Variants in CYTIP observed in about 807,000 individuals in gnomAD.
The protein encoded by CYTIP is cytohesin 1 interacting protein, also known as cytohesin-interacting protein.
CYTIP carries 26 observed loss-of-function variants against 43.8 expected under a neutral mutation model. That is an observed-to-expected ratio of 0.59 (90% CI 0.44 to 0.82). The LOEUF (loss-of-function observed/expected upper bound fraction) is 0.82. Among genes scored for constraint, CYTIP ranks in the 40% least tolerant of loss-of-function variants. The pLI is 0.00. For missense variants in CYTIP, 426 were observed against 443.1 expected, an observed-to-expected ratio of 0.96 and a Z score of 0.35; for synonymous variants, 162 against 162.9, an observed-to-expected ratio of 0.99 and a Z score of 0.04.
intron 1 of CYTIP, among the ~76,000 whole-genome samples, chr2:157,435,762 C>T (rs1029671463): frequency 7.2e-5 from 11 of 151,878 alleles, no homozygotes; most frequent in Non-Finnish European, 1.0e-4. Flanking sequence ...TATAAATGAA[C>T]ACATAAAATA....
rs199714967 is a variant in CYTIP at position 157,415,930 on chromosome 2, C to T, written c.827G>A (p.Arg276Gln). The change falls in exon 8 of 8, where the codon CGG becomes CAG. Residue 276 changes from arginine to glutamine, a missense_variant. By Grantham distance (43) the Arg-to-Gln change is conservative. Coordinates refer to ENST00000264192, the MANE Select transcript of CYTIP (RefSeq NM_004288.5). Reference sequence around the variant, plus strand: ...GCACTCATCATCTGTACTCGTCTGCCGACTGAAGGCACCCCTGCTGGAGTC... The same window carrying T: ...GCACTCATCATCTGTACTCGTCTGCTGACTGAAGGCACCCCTGCTGGAGTC... Reference protein sequence around the residue: ...SEDSSRGAFSRQTSTDDECFI... With the variant: ...SEDSSRGAFSQQTSTDDECFI... The T allele has an allele frequency of 5.6e-5, 91 of 1,614,218 alleles. 3 individuals are homozygous for T. The South Asian group carries it at 8.9e-4, about 16-fold the overall frequency.
intron 5 of CYTIP, among the ~76,000 whole-genome samples, chr2:157,427,886 A>C (rs1241689824): frequency 1.3e-5 from 2 of 152,220 alleles, no homozygotes; most frequent in Non-Finnish European, 2.9e-5. Flanking sequence ...CATGGAATTA[A>C]CATGCTACTT....
Position 157,415,946 on chromosome 2 carries a change from T to A in CYTIP, c.811A>T (p.Arg271Trp), listed in dbSNP as rs781110164. The A allele has an allele frequency of 7.4e-6, 12 of 1,614,110 alleles. No homozygotes were observed. In the Admixed American group the frequency reaches 1.2e-4, roughly 16 times the overall value. ...CTCGTCTGCCGACTGAAGGCACCCC[T>A]GCTGGAGTCCTCAGACACACACGTC... ...YQTCVSEDSS[R>W]GAFSRQTSTD... Residue 271 changes from arginine (R) to tryptophan (W), a missense_variant, in exon 8 of 8, where the codon AGG becomes TGG. Transcript: ENST00000264192.
At chr2:157,422,574 G>A (rs1685538874) in intron 6 of CYTIP, among the ~76,000 whole-genome samples, 1 of 151,562 alleles carries the variant, frequency 6.6e-6, no homozygotes, top group Non-Finnish European at 1.5e-5. Context: ...GGAGGCTGAG[G>A]CAGGAGAATC....
Position 157,418,280 on chromosome 2 carries a change from C to T in CYTIP, c.613+243G>A, listed in dbSNP as rs185847790. On this transcript the variant is annotated intron_variant, in intron 7 of 7. Transcript: ENST00000264192. The stretch of plus-strand genomic sequence containing the variant: ...TCTAAAATCTCCAGGTGCCTGTTTT[C>T]GAGCATGTGCATCTGTGTGCATGTG... Among the ~76,000 whole-genome samples, 508 of 152,274 alleles carry T rather than the reference C, an allele frequency of 3.3e-3. 2 individuals carry two copies. The highest frequency in any genetic ancestry group is 0.011 in the African/African-American group (464 of 41,550).
intron 3 of CYTIP, among the ~76,000 whole-genome samples, chr2:157,432,568 A>G (rs1685728811): frequency 6.6e-6 from 1 of 152,156 alleles, no homozygotes; most frequent in African/African-American, 2.4e-5. Flanking sequence ...CCCATAAGGC[A>G]TTAGGAGGAT....
intron 5 of CYTIP, 100 bp downstream of exon 5, chr2:157,430,459 C>T (rs1188058651): frequency 1.6e-5 from 16 of 1,005,566 alleles, no homozygotes; most frequent in East Asian, 2.4e-5. Context: ...TGCCTCACTC[C>T]GTCTTGTAAT....
At chr2:157,430,181 C>A (rs1178671407) in intron 5 of CYTIP, among the ~76,000 whole-genome samples, 2 of 152,044 alleles carry the variant, frequency 1.3e-5, no homozygotes, top group African/African-American at 4.8e-5. Flanking sequence ...AAAAACTCAG[C>A]CCTTCTGACC....
chr2:157,415,949 T>C lies in CYTIP; in HGVS notation c.808A>G (p.Ser270Gly), dbSNP rs747869783. The change falls in exon 8 of 8, where the codon AGC becomes GGC. Residue 270 changes from serine to glycine, a missense_variant. Ser to Gly is a moderately conservative substitution (Grantham distance 56, BLOSUM62 0). Transcript: ENST00000264192. ...GYQTCVSEDS[S>G]RGAFSRQTST... Reference sequence around the variant, plus strand: ...GTCTGCCGACTGAAGGCACCCCTGCTGGAGTCCTCAGACACACACGTCTGG... The same window carrying C: ...GTCTGCCGACTGAAGGCACCCCTGCCGGAGTCCTCAGACACACACGTCTGG... 1.9e-6 allele frequency: 3 copies of C among 1,614,230 alleles called. No homozygotes were observed. The highest frequency in any genetic ancestry group is 2.5e-6 in the Non-Finnish European group (3 of 1,180,038).
At chr2:157,429,471 T>G (rs1685666394) in intron 5 of CYTIP, among the ~76,000 whole-genome samples, 1 of 152,262 alleles carries the variant, frequency 6.6e-6, no homozygotes, top group Admixed American at 6.5e-5. Context: ...TATCAATAAC[T>G]GAAATATACA....
Position 157,415,545 on chromosome 2 carries a change from A to C in CYTIP, c.*132T>G. On this transcript the variant is annotated 3_prime_UTR_variant, in exon 8 of 8. Coordinates refer to ENST00000264192, the MANE Select transcript of CYTIP (RefSeq NM_004288.5). ...GCATAAACTATAACACAACAATTTA[A>C]ATAAAGGTCACTATTGCTGTGAAAT... is the stretch of plus-strand genomic sequence containing the variant. The C allele has an allele frequency of 1.5e-6, 1 of 645,344 alleles. No individual in the cohort carries two copies. Among genetic ancestry groups the C allele is most frequent in the Non-Finnish European group, 2.7e-6 (1 of 363,920 alleles). 40.0% of individuals were successfully genotyped at this position (645,344 alleles called of 1,614,324 possible).
At chr2:157,434,839 TCTCTCTCTCTCACACACACACACA>T (rs1345231756) in intron 1 of CYTIP, 92 bp from the exon 2 acceptor site, 141 of 470,878 alleles carry the variant, frequency 3.0e-4, no homozygotes, top group Admixed American at 1.3e-3. Context: ...TCTCTCTCTC[TCTCTCTCTCTCACACACACACACA>T]CACACACACA....
At chr2:157,442,863 T>G (rs1253756186) in intron 1 of CYTIP, among the ~76,000 whole-genome samples, 1 of 152,168 alleles carries the variant, frequency 6.6e-6, no homozygotes. Context: ...ATGCAAGACT[T>G]AAGCGCAAAA....
intron 6 of CYTIP, among the ~76,000 whole-genome samples, chr2:157,426,423 C>T (rs192432323): frequency 1.3e-5 from 2 of 152,066 alleles, no homozygotes; most frequent in African/African-American, 2.4e-5. Context: ...AGTATCCAAA[C>T]CAATGTTGAC....
chr2:157,442,853 A>G (rs1394357339), intron 1 of CYTIP, among the ~76,000 whole-genome samples: 1 of 152,210 alleles, frequency 6.6e-6, no homozygotes, highest in African/African-American at 2.4e-5. Flanking sequence ...ATGATTGTAC[A>G]TGCAAGACTT....
At chr2:157,421,275 T>C (rs1204800240) in intron 6 of CYTIP, among the ~76,000 whole-genome samples, 6 of 152,208 alleles carry the variant, frequency 3.9e-5, no homozygotes, top group African/African-American at 1.4e-4. Flanking sequence ...GCCAGCTACA[T>C]AGCAGCTACT....
At chr2:157,427,285 A>G (rs748476562) in intron 6 of CYTIP, 66 bp downstream of exon 6, 2 of 1,334,392 alleles carry the variant, frequency 1.5e-6, no homozygotes, top group Non-Finnish European at 2.1e-6. Flanking sequence ...CCTCAAATAG[A>G]TCTTTATTTT....
At chr2:157,443,402 A>T (rs1375787159) in intron 1 of CYTIP, among the ~76,000 whole-genome samples, 1 of 152,188 alleles carries the variant, frequency 6.6e-6, no homozygotes, top group Non-Finnish European at 1.5e-5. Context: ...AGCTGAAGAT[A>T]ATTAGTCAAC....
intron 6 of CYTIP, among the ~76,000 whole-genome samples, chr2:157,426,178 G>A (rs901478794): frequency 6.6e-5 from 10 of 151,984 alleles, no homozygotes; most frequent in African/African-American, 2.4e-4. Flanking sequence ...TATAATAAAT[G>A]ATATGTAAAA....
Sources: allele counts gnomAD v4.1 joint callset (sites outside exome capture counted in the v4.1 genomes callset), GRCh38; gene constraint gnomAD v4.1.1; transcripts MANE v1.5; gene names NCBI Gene and HGNC (gene_info 2026-07-23, HGNC 2026-07-21).